CSDE1: variants seen among roughly 807,000 people sequenced by gnomAD.
CSDE1 encodes cold shock domain-containing protein E1.
A neutral mutation model predicts 89.3 loss-of-function variants in CSDE1; 17 were observed. The ratio of observed to expected loss-of-function variants is 0.19; its 90% CI spans 0.13 to 0.29. CSDE1 has a LOEUF of 0.29. CSDE1 is among the 10% of genes least tolerant of loss of function. The pLI, the probability that CSDE1 is intolerant of heterozygous loss-of-function variation, is 1.00. For synonymous variants in CSDE1, 322 were observed against 332.8 expected (o/e 0.97, Z 0.35); for missense variants, 672 against 984.2 (o/e 0.68, Z 4.24).
At chr1:114,738,202 AGCAGCATTAACAT>A in intron 3 of CSDE1, 130 bp from the exon 4 acceptor site, 1 of 689,824 alleles carries the variant, frequency 1.4e-6, no homozygotes, top group Non-Finnish European at 2.6e-6. Context: ...TCCCTGGACC[AGCAGCATTAACAT>A]CACCTGGGAG....
rs556824657 is a variant in CSDE1 at position 114,749,530 on chromosome 1, A to G, written c.-1+291T>C. On this transcript the variant is annotated intron_variant, in intron 2 of 19. Coordinates refer to ENST00000358528, the MANE Select transcript of CSDE1 (RefSeq NM_001007553.3). Reference sequence around the variant, plus strand: ...GACCCTCATAGAAAGACTGCAATGCACATTCTTATTTGAAATCCTAACTTC... The same window carrying G: ...GACCCTCATAGAAAGACTGCAATGCGCATTCTTATTTGAAATCCTAACTTC... 2.0e-5 allele frequency among the ~76,000 whole-genome samples: 3 copies of G among 152,356 alleles called. No homozygotes were observed. The South Asian group carries it at 6.2e-4, about 32-fold the overall frequency.
chr1:114,734,388 TACA>T (rs1660279264), intron 7 of CSDE1, 51 bp downstream of exon 7: 6 of 1,469,238 alleles, frequency 4.1e-6, no homozygotes, highest in South Asian at 2.4e-5. Flanking sequence ...GAGTTTGAAG[TACA>T]ACATTTCAAG....
At chr1:114,726,493 A>G (rs1659806636) in intron 13 of CSDE1, 107 bp from the exon 14 acceptor site, 4 of 835,986 alleles carry the variant, frequency 4.8e-6, no homozygotes, top group Non-Finnish European at 7.1e-6. Context: ...TTCATTCCAA[A>G]TATCCTTTGT....
chr1:114,723,324 G>A (rs2101015954), intron 16 of CSDE1, among the ~76,000 whole-genome samples: 1 of 152,320 alleles, frequency 6.6e-6, no homozygotes, highest in South Asian at 2.1e-4. Context: ...ACTGTTGGGG[G>A]AACAGCGGCA....
intron 9 of CSDE1, 78 bp from the exon 10 acceptor site, chr1:114,732,894 G>C: frequency 8.2e-7 from 1 of 1,215,220 alleles, no homozygotes; most frequent in Non-Finnish European, 1.2e-6. Flanking sequence ...AGAACACATA[G>C]TAAACCCATG....
intron 1 of CSDE1, among the ~76,000 whole-genome samples, chr1:114,752,624 G>C (rs1405579250): frequency 6.6e-6 from 1 of 152,044 alleles, no homozygotes; most frequent in Non-Finnish European, 1.5e-5. Context: ...CACAACTCTT[G>C]GGAGATTCCT....
At chr1:114,718,238 A>C in intron 19 of CSDE1, 22 bp from the exon 20 acceptor site, 1 of 1,608,158 alleles carries the variant, frequency 6.2e-7, no homozygotes, top group Non-Finnish European at 8.5e-7. Context: ...AGAAAAAAAA[A>C]ACCCTGCAGT....
chr1:114,744,634 C>T (rs1660919699), intron 2 of CSDE1, among the ~76,000 whole-genome samples: 2 of 151,734 alleles, frequency 1.3e-5, no homozygotes, highest in Non-Finnish European at 2.9e-5. Flanking sequence ...CACACACACC[C>T]CCATGGATGA....
rs746279844 is a variant in CSDE1 at position 114,718,176 on chromosome 1, A to G, written c.2390T>C (p.Ile797Thr). 2 of 1,614,124 alleles carry G rather than the reference A, an allele frequency of 1.2e-6. No homozygotes were observed. Among genetic ancestry groups the G allele is most frequent in the Non-Finnish European group, 1.7e-6 (2 of 1,180,024 alleles). The change falls in exon 20 of 20, where the codon ATT (isoleucine) becomes ACT (threonine). Residue 797 changes from isoleucine (I) to threonine (T), a missense_variant. Physicochemically the swap from Ile to Thr is moderately conservative, Grantham distance 89. This residue lies in a region of CSDE1 where 206 missense variants were observed against 332.4 expected (regional missense o/e 0.62). Transcript: ENST00000358528. ...AERKIRQAGV[I>T]D ...TGTGCTTTGTGGATGTGGTTAGTCAATGACACCAGCTTGACGGATCTTTCT... is the reference window on the plus strand; with the variant it reads ...TGTGCTTTGTGGATGTGGTTAGTCAGTGACACCAGCTTGACGGATCTTTCT...
chr1:114,727,283 T>C (rs1194729994), intron 12 of CSDE1, among the ~76,000 whole-genome samples, 193 bp from the exon 13 acceptor site: 6 of 152,250 alleles, frequency 3.9e-5, no homozygotes, highest in Non-Finnish European at 8.8e-5. Flanking sequence ...CAGTCTGCTG[T>C]AATTTTTAAT....
chr1:114,757,722 C>T (rs1661693720), intron 1 of CSDE1, among the ~76,000 whole-genome samples: 1 of 152,128 alleles, frequency 6.6e-6, no homozygotes, highest in Non-Finnish European at 1.5e-5. Flanking sequence ...CGTTTCAGCT[C>T]TGCGACCTGA....
Position 114,736,653 on chromosome 1 carries a change from A to C in CSDE1, c.500+105T>G, listed in dbSNP as rs190181358. The C allele has an allele frequency of 1.9e-4, 128 of 661,896 alleles. 1 individual carries two copies. In the East Asian group the frequency reaches 3.5e-3, roughly 18 times the overall value. 41.0% of individuals were successfully genotyped at this position (661,896 alleles called of 1,614,324 possible). A position where few individuals can be genotyped will look rare whatever the true frequency, so the allele number is the denominator to read the frequency against. On this transcript the variant is annotated intron_variant, in intron 6 of 19. Coordinates refer to ENST00000358528, the MANE Select transcript of CSDE1 (RefSeq NM_001007553.3). ...GTTGATGAATTGAAAGTTCATGAAA[A>C]CTATCCAGACTTACAAGTTAGGTTT...
intron 4 of CSDE1, among the ~76,000 whole-genome samples, 190 bp downstream of exon 4, chr1:114,737,773 G>A (rs1450899006): frequency 1.3e-5 from 2 of 152,086 alleles, no homozygotes; most frequent in Non-Finnish European, 2.9e-5. Flanking sequence ...AAACCCAATT[G>A]AGTCTTGACC....
At chr1:114,723,838 G>T in intron 16 of CSDE1, 45 bp downstream of exon 16, 3 of 1,612,120 alleles carry the variant, frequency 1.9e-6, no homozygotes, top group Non-Finnish European at 2.5e-6. Context: ...GTGCTCATCT[G>T]AAGTTATGGC....
chr1:114,739,589 T>A, intron 3 of CSDE1, 103 bp downstream of exon 3: 2 of 938,184 alleles, frequency 2.1e-6, no homozygotes, highest in Admixed American at 2.0e-5. Context: ...AAGTCCAAAA[T>A]GTTTTAATTT....
At chr1:114,720,841 T>A in intron 16 of CSDE1, 124 bp from the exon 17 acceptor site, 1 of 819,810 alleles carries the variant, frequency 1.2e-6, no homozygotes, top group Non-Finnish European at 1.8e-6. Flanking sequence ...ACATTTTCAG[T>A]ACTCAGAAGT....
intron 2 of CSDE1, among the ~76,000 whole-genome samples, chr1:114,741,973 T>G (rs1660750194): frequency 6.6e-6 from 1 of 152,212 alleles, no homozygotes; most frequent in African/African-American, 2.4e-5. Flanking sequence ...AACCTATCAT[T>G]TTTAGTCACT....
chr1:114,754,092 G>C (rs1293815755), intron 1 of CSDE1, among the ~76,000 whole-genome samples: 1 of 152,134 alleles, frequency 6.6e-6, no homozygotes, highest in African/African-American at 2.4e-5. Context: ...GGGTTCAAGC[G>C]ATTCTCCTGC....
intron 12 of CSDE1, among the ~76,000 whole-genome samples, chr1:114,728,847 C>A (rs1659945103): frequency 6.6e-6 from 1 of 152,194 alleles, no homozygotes; most frequent in African/African-American, 2.4e-5. Context: ...CTTGCTCTTT[C>A]TGGCTAATAG....
Sources: allele counts gnomAD v4.1 joint callset (sites outside exome capture counted in the v4.1 genomes callset), GRCh38; gene constraint gnomAD v4.1.1; regional missense constraint gnomAD v4.1.1; transcripts MANE v1.5; gene names NCBI Gene and HGNC (gene_info 2026-07-23, HGNC 2026-07-21).